NOXRED1: variants seen among roughly 807,000 people sequenced by gnomAD.
NOXRED1 encodes the protein NADP dependent oxidoreductase domain containing 1, also known as NADP-dependent oxidoreductase domain-containing protein 1.
A neutral mutation model predicts 30.4 loss-of-function variants in NOXRED1; 20 were observed. That is an observed-to-expected ratio of 0.66 (90% CI 0.46 to 0.96). NOXRED1 has a LOEUF of 0.96. Ranked by LOEUF, NOXRED1 falls within the 40% of genes least tolerant of loss-of-function variation. The probability of loss-of-function intolerance (pLI) is 0.00; values close to 1 mark genes in which losing one functional copy is unlikely to be tolerated. For missense variants in NOXRED1, 374 were observed against 428.0 expected (o/e 0.87, Z 1.11); for synonymous variants, 155 against 168.0 (o/e 0.92, Z 0.60).
At chr14:77,412,443 A>G (rs17105759) in intron 2 of NOXRED1, among the ~76,000 whole-genome samples, 4,254 of 152,242 alleles carry the variant, frequency 0.028, 128 homozygotes, top group African/African-American at 0.073. Flanking sequence ...GAGATGCAAG[A>G]GACTGTGCTC....
At chr14:77,413,724 G>A (rs558826945) in intron 2 of NOXRED1, among the ~76,000 whole-genome samples, 1 of 152,216 alleles carries the variant, frequency 6.6e-6, no homozygotes, top group South Asian at 2.1e-4. Context: ...ACAGGGAGGA[G>A]ACATGGATAT....
At chr14:77,407,176 T>G (rs1894491611) in intron 3 of NOXRED1, among the ~76,000 whole-genome samples, 1 of 152,250 alleles carries the variant, frequency 6.6e-6, no homozygotes, top group Non-Finnish European at 1.5e-5. Context: ...TTCTCATTGA[T>G]GCACAAGGAG....
chr14:77,406,590 TACACACACACACACACACACACACAC>T (rs56942412), intron 4 of NOXRED1, 108 bp downstream of exon 4: 66 of 773,662 alleles, frequency 8.5e-5, no homozygotes, highest in East Asian at 1.5e-4. Flanking sequence ...CCTTGTGCCT[TACACACACACACACACACACACACAC>T]ACACACACAC....
At chr14:77,420,877 T>C (rs930861000) in intron 1 of NOXRED1, among the ~76,000 whole-genome samples, 2 of 152,166 alleles carry the variant, frequency 1.3e-5, no homozygotes, top group African/African-American at 4.8e-5. Context: ...AGTTTGGAAT[T>C]TCCCAATTAA....
intron 1 of NOXRED1, among the ~76,000 whole-genome samples, chr14:77,416,629 G>A (rs563968906): frequency 4.6e-5 from 7 of 152,228 alleles, no homozygotes; most frequent in Non-Finnish European, 1.0e-4. Context: ...GCAACCATCC[G>A]ATTTCTCAAT....
At chr14:77,412,513 C>T (rs1280240412) in intron 2 of NOXRED1, among the ~76,000 whole-genome samples, 3 of 152,066 alleles carry the variant, frequency 2.0e-5, no homozygotes. Context: ...ATCATTATTT[C>T]TTATTGATTG....
At chr14:77,420,380 T>TTG (rs1566715122) in intron 1 of NOXRED1, among the ~76,000 whole-genome samples, 3 of 143,878 alleles carry the variant, frequency 2.1e-5, no homozygotes, top group South Asian at 4.2e-4. Context: ...TTTTTTTTGT[T>TTG]TTGTTTTGTT....
intron 5 of NOXRED1, among the ~76,000 whole-genome samples, chr14:77,402,364 G>A (rs1401339127): frequency 1.3e-5 from 2 of 152,234 alleles, no homozygotes; most frequent in South Asian, 2.1e-4. Flanking sequence ...CATGGCTCAC[G>A]CCTGTAATCC....
chr14:77,400,910 CT>C (rs1425989973), intron 5 of NOXRED1, among the ~76,000 whole-genome samples: 4 of 152,082 alleles, frequency 2.6e-5, no homozygotes, highest in African/African-American at 9.7e-5. Context: ...AACTATGAAA[CT>C]GATGAGAGAA....
rs890811033 is a variant in NOXRED1 at position 77,405,366 on chromosome 14, G to A, written c.905+547C>T. Among the ~76,000 whole-genome samples the A allele has an allele frequency of 1.3e-3, 197 of 152,216 alleles. 2 individuals are homozygous for A. Among genetic ancestry groups the A allele is most frequent in the Admixed American group, 0.013 (197 of 15,280 alleles). On this transcript the variant is annotated intron_variant, in intron 5 of 5. Coordinates refer to ENST00000380835, the MANE Select transcript of NOXRED1 (RefSeq NM_001113475.3). ...GCCGAGATCGTGCCACTGCACTCCA[G>A]CCTGGGTGACAGAGCAAGACTGTCT...
upstream of NOXRED1, among the ~76,000 whole-genome samples, chr14:77,423,676 G>A (rs528028498): frequency 6.6e-6 from 1 of 152,308 alleles, no homozygotes; most frequent in African/African-American, 2.4e-5. Flanking sequence ...ATTTCTAGGA[G>A]TACTACACTA....
rs920401452 is a variant in NOXRED1, at chr14:77,407,488, A to T, written c.507T>A (p.Phe169Leu). ...ACCTGGGTAGTGGGATGGCAGCTAC[A>T]AAGCTGTACACAATGCTGGCCTTCT... ...SLEKASIVYSFVAAIPLPRLK... is the reference protein window; with the variant it reads ...SLEKASIVYSLVAAIPLPRLK... The change falls in exon 3 of 6, where the codon TTT becomes TTA. Residue 169 changes from phenylalanine (F) to leucine (L), a missense_variant. Physicochemically the swap from Phe to Leu is conservative, Grantham distance 22 (BLOSUM62 0). Transcript: ENST00000380835. 25 of 1,613,936 alleles carry T rather than the reference A, an allele frequency of 1.5e-5. No homozygotes were observed. The highest frequency in any genetic ancestry group is 5.1e-6 in the Non-Finnish European group (6 of 1,179,914).
At chr14:77,420,773 T>C (rs1894973619) in intron 1 of NOXRED1, among the ~76,000 whole-genome samples, 1 of 152,214 alleles carries the variant, frequency 6.6e-6, no homozygotes, top group African/African-American at 2.4e-5. Context: ...CTTTACAGAC[T>C]GGCACCATAC....
At chr14:77,398,026 A>C (rs78984188) in intron 5 of NOXRED1, among the ~76,000 whole-genome samples, 2,958 of 152,278 alleles carry the variant, frequency 0.019, 88 homozygotes, top group African/African-American at 0.067. Flanking sequence ...GGTAGGGTCA[A>C]GGGCAAACTA....
intron 2 of NOXRED1, among the ~76,000 whole-genome samples, chr14:77,410,629 TATACATAAATAA>T (rs958627419): frequency 4.0e-5 from 6 of 151,464 alleles, no homozygotes; most frequent in African/African-American, 7.3e-5. Context: ...TAAATACATA[TATACATAAATAA>T]ATACATAAAT....
intron 1 of NOXRED1, among the ~76,000 whole-genome samples, chr14:77,415,701 G>A (rs945629079): frequency 1.3e-5 from 2 of 151,294 alleles, no homozygotes; most frequent in Non-Finnish European, 2.9e-5. Flanking sequence ...TTGCAAAACT[G>A]GAACTCTATA....
rs770117991 is a variant in NOXRED1, at chr14:77,413,964, G to A, written c.319C>T (p.Arg107Trp). 1.3e-5 allele frequency: 20 copies of A among 1,597,574 alleles called. No homozygotes were observed. The highest frequency in any genetic ancestry group is 2.3e-5 in the East Asian group (1 of 44,354). Residue 107 changes from arginine (R) to tryptophan (W), a missense_variant, in exon 2 of 6, where the codon CGG (arginine) becomes TGG (tryptophan). Physicochemically the swap from Arg to Trp is moderately radical, Grantham distance 101 (BLOSUM62 -3). Coordinates refer to ENST00000380835, the MANE Select transcript of NOXRED1 (RefSeq NM_001113475.3). Reference protein sequence around the residue: ...QLGPIPAESLRISTRRPETLG... With the variant: ...QLGPIPAESLWISTRRPETLG... ...GTCTCTGGCCTCCGAGTGGAGATCC[G>A]CAGGCTTTCAGCAGGGATGGGGCCA...
intron 1 of NOXRED1, among the ~76,000 whole-genome samples, chr14:77,414,629 T>C (rs1440784297): frequency 6.6e-6 from 1 of 152,232 alleles, no homozygotes; most frequent in Admixed American, 6.5e-5. Flanking sequence ...TGAGTTAATT[T>C]TCCAGAAACA....
intron 2 of NOXRED1, among the ~76,000 whole-genome samples, chr14:77,411,469 CAAAAAAAAAAA>C (rs368123770): frequency 0.4 from 38,887 of 98,232 alleles, 5,476 homozygotes; most frequent in Middle Eastern, 0.47. Context: ...GACTCTGTCT[CAAAAAAAAAAA>C]AAAAAAAAAA....
Sources: allele counts gnomAD v4.1 joint callset (sites outside exome capture counted in the v4.1 genomes callset), GRCh38; gene constraint gnomAD v4.1.1; transcripts MANE v1.5; gene names NCBI Gene and HGNC (gene_info 2026-07-23, HGNC 2026-07-21).